The following BACE2 variants were observed in gnomAD, a reference collection of about 807,000 sequenced individuals.
The protein encoded by BACE2 is beta-secretase 2, also known as 56 kDa aspartic-like protease.
In BACE2, 17 loss-of-function variants were observed where a neutral mutation model predicts 46.2. The ratio of observed to expected loss-of-function variants is 0.37; its 90% CI spans 0.25 to 0.55. BACE2 has a LOEUF of 0.55. Among genes scored for constraint, BACE2 ranks in the 20% least tolerant of loss-of-function variants. The probability of loss-of-function intolerance (pLI) is 0.82; values close to 1 mark genes in which losing one functional copy is unlikely to be tolerated. For synonymous variants in BACE2, 277 were observed against 295.9 expected (o/e 0.94, Z 0.66); for missense variants, 595 against 698.1 (o/e 0.85, Z 1.66).
intron 7 of BACE2, among the ~76,000 whole-genome samples, chr21:41,251,625 A>G (rs547160135): frequency 5.5e-4 from 83 of 152,064 alleles, no homozygotes; most frequent in Middle Eastern, 6.8e-3. Flanking sequence ...ACATGGCAAA[A>G]CCCCGTCTCT....
Position 41,255,992 on chromosome 21 carries a change from G to A in BACE2, c.1135-1166G>A, listed in dbSNP as rs1416935321. ...TTGTGAGAAAAATCTACATTGTATA[G>A]AGAATCCCCTTTTCCCTTTTTTTAT... On this transcript the variant is annotated intron_variant, in intron 7 of 8. Coordinates refer to ENST00000330333, the MANE Select transcript of BACE2 (RefSeq NM_012105.5). Among the ~76,000 whole-genome samples the A allele has an allele frequency of 2.0e-5, 3 of 152,076 alleles. No homozygotes were observed. The East Asian group carries it at 5.8e-4, about 29-fold the overall frequency.
At chr21:41,224,209 ATTTTTT>A (rs10658440) in intron 1 of BACE2, among the ~76,000 whole-genome samples, 1 of 98,906 alleles carries the variant, frequency 1.0e-5, no homozygotes, top group Non-Finnish European at 1.9e-5. Context: ...GCCTATTTTG[ATTTTTT>A]TTTTTTTTTT....
At chr21:41,226,035 G>GTGTA (rs1986807236) in intron 1 of BACE2, among the ~76,000 whole-genome samples, 3 of 152,192 alleles carry the variant, frequency 2.0e-5, no homozygotes, top group Admixed American at 2.0e-4. Context: ...AAGGCTCAGT[G>GTGTA]TGTATCTGAG....
intron 8 of BACE2, among the ~76,000 whole-genome samples, chr21:41,273,490 T>C (rs2088454377): frequency 6.6e-6 from 1 of 152,236 alleles, no homozygotes. Context: ...TCAGCGATAT[T>C]TCTCCTATTT....
At chr21:41,274,562 G>C (rs1213764059) in intron 8 of BACE2, among the ~76,000 whole-genome samples, 2 of 152,206 alleles carry the variant, frequency 1.3e-5, no homozygotes, top group Non-Finnish European at 2.9e-5. Context: ...AAGGGGCAGA[G>C]AAGCCTAGTG....
chr21:41,257,959 G>A (rs554696350), intron 8 of BACE2, among the ~76,000 whole-genome samples: 2 of 152,320 alleles, frequency 1.3e-5, no homozygotes, highest in African/African-American at 4.8e-5. Context: ...GAAACGGAGT[G>A]CTCACACCAC....
rs11448311 is a variant in BACE2, at chr21:41,275,832, TA to T, written c.*218del. The stretch of plus-strand genomic sequence containing the variant: ...CCTCCCTACTTCCAAGAAAAATAAT[TA>T]AAAAAAAAACTTCATTCTAAACCAA... On this transcript the variant is annotated 3_prime_UTR_variant, in exon 9 of 9. Coordinates refer to ENST00000330333, the MANE Select transcript of BACE2 (RefSeq NM_012105.5). 3.7e-4 allele frequency: 233 copies of T among 622,122 alleles called. No individual in the cohort carries two copies. Among genetic ancestry groups the T allele is most frequent in the Middle Eastern group, 9.3e-4 (2 of 2,162 alleles). The allele number at this position is 622,122 out of a possible 1,614,324, so 38.5% of individuals were successfully genotyped here. A position where few individuals can be genotyped will look rare whatever the true frequency, so the allele number is the denominator to read the frequency against.
intron 8 of BACE2, 144 bp downstream of exon 8, chr21:41,257,470 A>G: frequency 3.1e-6 from 3 of 963,628 alleles, no homozygotes. Context: ...AATCTTCTCA[A>G]TAAAATGGGT....
chr21:41,212,883 T>C (rs889374264), intron 1 of BACE2, among the ~76,000 whole-genome samples: 1 of 152,254 alleles, frequency 6.6e-6, no homozygotes, highest in Admixed American at 6.5e-5. Context: ...AAGTTTGTGG[T>C]TATTTATATA....
chr21:41,239,695 A>G (rs918707142), intron 3 of BACE2, among the ~76,000 whole-genome samples: 6 of 152,178 alleles, frequency 3.9e-5, no homozygotes, highest in Non-Finnish European at 8.8e-5. Context: ...CCCATTTTCA[A>G]GATGTGGGGA....
intron 1 of BACE2, 124 bp downstream of exon 1, chr21:41,168,699 G>A (rs980408284): frequency 6.5e-6 from 5 of 767,770 alleles, no homozygotes; most frequent in Non-Finnish European, 9.0e-6. Flanking sequence ...ACAGAAGAGC[G>A]GGGAACGCAG....
Position 41,168,387 on chromosome 21 carries a change from G to T in BACE2, c.124G>T (p.Val42Leu). The T allele has an allele frequency of 7.1e-7, 1 of 1,414,196 alleles. No homozygotes were observed. The highest frequency in any genetic ancestry group is 9.3e-7 in the Non-Finnish European group (1 of 1,080,724). 87.6% of individuals were successfully genotyped at this position (1,414,196 alleles called of 1,614,324 possible). ...CCGGGTGGCCGCGGCCACGAACCGC[G>T]TAGTTGCGCCCACCCCGGGACCCGG... Reference protein sequence around the residue: ...PLRVAAATNRVVAPTPGPGTP... With the variant: ...PLRVAAATNRLVAPTPGPGTP... Residue 42 changes from valine to leucine, a missense_variant, in exon 1 of 9, where the codon GTA becomes TTA. Physicochemically the swap from Val to Leu is conservative, Grantham distance 32. This residue lies in a region of BACE2 where 248 missense variants were observed against 261.4 expected (regional missense o/e 0.95). Transcript: ENST00000330333.
rs2088506659 is a variant in BACE2, at chr21:41,277,746, G to A, written c.*2122G>A. On this transcript the variant is annotated 3_prime_UTR_variant, in exon 9 of 9. Transcript: ENST00000330333. ...AGCTTCCTCCTGCAGCAGATGAACA[G>A]GCATAGTTCTTAAAATACAGGAAAG... The A allele has an allele frequency of 6.6e-6, 1 of 152,310 alleles. No individual in the cohort carries two copies. The highest frequency in any genetic ancestry group is 2.1e-4 in the South Asian group (1 of 4,826). The allele number at this position is 152,310 out of a possible 1,614,324, so 9.4% of individuals were successfully genotyped here.
intron 1 of BACE2, among the ~76,000 whole-genome samples, chr21:41,211,643 G>A (rs1024325231): frequency 5.9e-5 from 9 of 152,218 alleles, no homozygotes; most frequent in Non-Finnish European, 1.2e-4. Flanking sequence ...CTGTGGGTTC[G>A]GCTTGCCGGC....
At chr21:41,250,270 C>T (rs1298479067) in intron 6 of BACE2, among the ~76,000 whole-genome samples, 4 of 152,118 alleles carry the variant, frequency 2.6e-5, no homozygotes, top group African/African-American at 4.8e-5. Flanking sequence ...AGCAGAGAGC[C>T]CACCCTAGGC....
chr21:41,209,816 AAATG>A (rs1986242846), intron 1 of BACE2, among the ~76,000 whole-genome samples: 1 of 152,192 alleles, frequency 6.6e-6, no homozygotes, highest in South Asian at 2.1e-4. Flanking sequence ...CATGGCTAGG[AAATG>A]AATGTGAAAC....
At chr21:41,242,049 G>GA in intron 4 of BACE2, 102 bp downstream of exon 4, 1 of 1,478,238 alleles carries the variant, frequency 6.8e-7, no homozygotes, top group Non-Finnish European at 9.2e-7. Context: ...GCATGTAGGT[G>GA]TGCGTAGGTA....
chr21:41,235,847 AAAT>A (rs1399376838), intron 2 of BACE2, among the ~76,000 whole-genome samples: 5 of 147,750 alleles, frequency 3.4e-5, no homozygotes, highest in African/African-American at 1.3e-4. Flanking sequence ...TCTTTAAAAG[AAAT>A]AATAAATGAA....
chr21:41,255,474 C>T (rs185782903), intron 7 of BACE2, among the ~76,000 whole-genome samples: 10 of 152,302 alleles, frequency 6.6e-5, no homozygotes, highest in Non-Finnish European at 1.5e-4. Context: ...GAATGCAGCC[C>T]TCTTAGAGTC....
Sources: gnomAD v4.1 joint callset for allele counts (sites outside exome capture counted in the v4.1 genomes callset) on GRCh38, gnomAD v4.1.1 for gene constraint, gnomAD v4.1.1 regional missense constraint, MANE v1.5 for transcripts, NCBI Gene and HGNC (gene_info 2026-07-23, HGNC 2026-07-21) for gene names.